RABGAP1L: variants seen among roughly 807,000 people sequenced by gnomAD.
RABGAP1L encodes RAB GTPase activating protein 1 like, also known as rab GTPase-activating protein 1-like.
Under a neutral mutation model 137.7 loss-of-function variants are expected in RABGAP1L, and 63 were observed. The ratio of observed to expected loss-of-function variants is 0.46; its 90% CI spans 0.37 to 0.56. The LOEUF is 0.56. Among genes scored for constraint, RABGAP1L ranks in the 20% least tolerant of loss-of-function variants. The probability of loss-of-function intolerance (pLI) is 0.00; values close to 1 mark genes in which losing one functional copy is unlikely to be tolerated. For synonymous variants in RABGAP1L, 431 were observed against 433.7 expected (o/e 0.99, Z 0.08); for missense variants, 1,095 against 1,244.0 (o/e 0.88, Z 1.80).
chr1:174,529,604 GTGGGCCAATACT>G (rs1219318050), intron 13 of RABGAP1L, among the ~76,000 whole-genome samples: 1 of 152,132 alleles, frequency 6.6e-6, no homozygotes, highest in Non-Finnish European at 1.5e-5. Context: ...GCACGTCTAG[GTGGGCCAATACT>G]TGGGCCTCCA....
At chr1:174,317,673 C>G (rs1679513609) in intron 11 of RABGAP1L, among the ~76,000 whole-genome samples, 1 of 152,174 alleles carries the variant, frequency 6.6e-6, no homozygotes, top group African/African-American at 2.4e-5. Flanking sequence ...CATGTTTCCC[C>G]CCAGTCCACT....
chr1:174,903,582 A>C (rs1658495451), intron 19 of RABGAP1L, among the ~76,000 whole-genome samples: 1 of 152,238 alleles, frequency 6.6e-6, no homozygotes, highest in African/African-American at 2.4e-5. Context: ...AATATAAAGC[A>C]GTATAGCATT....
chr1:174,522,844 G>A (rs897715713), intron 13 of RABGAP1L, among the ~76,000 whole-genome samples: 3 of 152,166 alleles, frequency 2.0e-5, no homozygotes, highest in African/African-American at 7.2e-5. Flanking sequence ...ACTCACTATT[G>A]TGAGGATAGC....
intron 18 of RABGAP1L, among the ~76,000 whole-genome samples, chr1:174,805,897 C>T (rs1312820792): frequency 6.6e-6 from 1 of 152,138 alleles, no homozygotes; most frequent in Non-Finnish European, 1.5e-5. Context: ...AAATCTTATT[C>T]GTATTATCTT....
At chr1:174,343,990 G>A (rs2148899447) in intron 11 of RABGAP1L, among the ~76,000 whole-genome samples, 1 of 152,210 alleles carries the variant, frequency 6.6e-6, no homozygotes, top group East Asian at 1.9e-4. Context: ...TGGCCATTTA[G>A]GCCTGTTTCA....
chr1:174,660,210 A>G (rs1676273270), intron 14 of RABGAP1L, among the ~76,000 whole-genome samples: 2 of 152,192 alleles, frequency 1.3e-5, no homozygotes, highest in African/African-American at 4.8e-5. Context: ...GGGGTAAGCC[A>G]GGCGCCATAT....
intron 11 of RABGAP1L, among the ~76,000 whole-genome samples, chr1:174,307,353 C>T (rs1185163223): frequency 6.6e-6 from 1 of 152,164 alleles, no homozygotes. Flanking sequence ...AACTCAGTGG[C>T]ATTTTAGTAC....
At position 174,990,101 on chromosome 1, in the gene RABGAP1L, A is replaced by C; in HGVS notation, c.*100A>C. ...TTTGAAGGAAAGTCAAGGAGGCCAG[A>C]AAACAAGCCAGAATTTTTCAGTAGC... On this transcript the variant is annotated 3_prime_UTR_variant, in exon 26 of 26. Transcript: ENST00000681986. The C allele has an allele frequency of 7.3e-7, 1 of 1,367,006 alleles. No homozygotes were observed. Among genetic ancestry groups the C allele is most frequent in the East Asian group, 2.5e-5 (1 of 39,654 alleles). The allele number at this position is 1,367,006 out of a possible 1,614,324, so 84.7% of individuals were successfully genotyped here. A position where few individuals can be genotyped will look rare whatever the true frequency, so the allele number is the denominator to read the frequency against.
intron 12 of RABGAP1L, among the ~76,000 whole-genome samples, chr1:174,380,491 T>G (rs1686029865): frequency 6.6e-6 from 1 of 151,770 alleles, no homozygotes. Context: ...ATTCAGAGAT[T>G]CAACTTCTTC....
At chr1:174,907,862 A>G (rs932016360) in intron 19 of RABGAP1L, among the ~76,000 whole-genome samples, 2 of 152,202 alleles carry the variant, frequency 1.3e-5, no homozygotes, top group Non-Finnish European at 2.9e-5. Context: ...TCCAATTAAA[A>G]GCCATACAGT....
At chr1:174,889,539 A>G (rs1208002024) in intron 19 of RABGAP1L, among the ~76,000 whole-genome samples, 1 of 151,388 alleles carries the variant, frequency 6.6e-6, no homozygotes, top group African/African-American at 2.4e-5. Context: ...TCCTGCTTCA[A>G]CCTCTCAAGT....
intron 11 of RABGAP1L, among the ~76,000 whole-genome samples, chr1:174,350,008 G>A (rs1421678540): frequency 8.6e-6 from 1 of 116,548 alleles, no homozygotes; most frequent in Non-Finnish European, 1.9e-5. Flanking sequence ...CCGGGCTGAG[G>A]GGCTCCTCAC....
rs569942559 is a variant in RABGAP1L, at chr1:174,184,533, A to C, written c.-34+24876A>C. 2.4e-4 allele frequency among the ~76,000 whole-genome samples: 37 copies of C among 152,348 alleles called. No individual in the cohort carries two copies. In the South Asian group the frequency reaches 7.5e-3, roughly 31 times the overall value. ...CTAGCAGTGAATGAAATGACATCAT[A>C]AATTTAAATTCACTTAAAATGTCCA... On this transcript the variant is annotated intron_variant, in intron 1 of 25. Transcript: ENST00000681986.
chr1:174,884,106 C>G (rs762614111), intron 19 of RABGAP1L, among the ~76,000 whole-genome samples: 1 of 152,138 alleles, frequency 6.6e-6, no homozygotes, highest in Non-Finnish European at 1.5e-5. Flanking sequence ...AGAACACTGC[C>G]CTTTAACAAA....
At position 174,518,068 on chromosome 1, in the gene RABGAP1L, G is replaced by A. The variant is rs963526583; in HGVS notation, c.1711-119307G>A. The stretch of plus-strand genomic sequence containing the variant: ...TCAACCATGGTCGTACATTAAAATC[G>A]CCTAAGGGAAGTTAAAAGCAAACAA... On this transcript the variant is annotated intron_variant, in intron 13 of 25. Coordinates refer to ENST00000681986, the MANE Select transcript of RABGAP1L (RefSeq NM_001366446.1). Among the ~76,000 whole-genome samples the A allele has an allele frequency of 6.6e-5, 10 of 152,230 alleles. No homozygotes were observed. The East Asian group carries it at 1.2e-3, about 18-fold the overall frequency.
intron 3 of RABGAP1L, among the ~76,000 whole-genome samples, chr1:174,226,069 C>G (rs963472632): frequency 6.6e-6 from 1 of 152,072 alleles, no homozygotes; most frequent in East Asian, 1.9e-4. Context: ...CAGATACTCT[C>G]TAGTTTGCAG....
chr1:174,584,209 A>G (rs1053863994), intron 13 of RABGAP1L, among the ~76,000 whole-genome samples: 2 of 152,230 alleles, frequency 1.3e-5, no homozygotes, highest in African/African-American at 2.4e-5. Context: ...CTGCCATCTC[A>G]ATACAGGATT....
intron 17 of RABGAP1L, among the ~76,000 whole-genome samples, chr1:174,729,538 C>T (rs1440274441): frequency 6.6e-6 from 1 of 152,178 alleles, no homozygotes; most frequent in African/African-American, 2.4e-5. Context: ...AGACAACCTA[C>T]AGAATGGGAG....
intron 13 of RABGAP1L, among the ~76,000 whole-genome samples, chr1:174,433,515 T>C (rs1404464567): frequency 1.3e-5 from 2 of 152,234 alleles, no homozygotes; most frequent in Non-Finnish European, 2.9e-5. Context: ...AGTTTTTGCT[T>C]ACTTGGCCCA....
Sources: gnomAD v4.1 joint callset for allele counts (sites outside exome capture counted in the v4.1 genomes callset) on GRCh38, gnomAD v4.1.1 for gene constraint, MANE v1.5 for transcripts, NCBI Gene and HGNC (gene_info 2026-07-23, HGNC 2026-07-21) for gene names.